The following TTLL11 variants were observed in gnomAD, a reference collection of about 807,000 sequenced individuals.
The protein encoded by TTLL11 is tubulin tyrosine ligase like 11.
Under a neutral mutation model 51.7 loss-of-function variants are expected in TTLL11, and 42 were observed. The ratio of observed to expected loss-of-function variants is 0.81; its 90% CI spans 0.64 to 1.05. The LOEUF (loss-of-function observed/expected upper bound fraction) is 1.05. Ranked by LOEUF, TTLL11 falls within the 50% of genes least tolerant of loss-of-function variation. The pLI is 0.00. For synonymous variants in TTLL11, 381 were observed against 383.5 expected (o/e 0.99, Z 0.08); for missense variants, 799 against 940.4 (o/e 0.85, Z 1.97).
intron 6 of TTLL11, among the ~76,000 whole-genome samples, chr9:121,902,158 C>T (rs985548713): frequency 6.6e-6 from 1 of 152,078 alleles, no homozygotes; most frequent in Non-Finnish European, 1.5e-5. Context: ...AAAACCATTT[C>T]TCATCCTACA....
At chr9:121,823,343 C>T (rs563199686) in intron 8 of TTLL11, among the ~76,000 whole-genome samples, 8 of 152,274 alleles carry the variant, frequency 5.3e-5, no homozygotes, top group East Asian at 1.9e-4. Flanking sequence ...GTCAGTAGTT[C>T]GAGACCAGCC....
intron 8 of TTLL11, among the ~76,000 whole-genome samples, chr9:121,847,419 T>C (rs1340109641): frequency 6.6e-6 from 1 of 152,034 alleles, no homozygotes; most frequent in African/African-American, 2.4e-5. Flanking sequence ...GTTATTAGAT[T>C]ACTAATTAGT....
chr9:121,965,346 A>G (rs945126321), intron 6 of TTLL11, among the ~76,000 whole-genome samples: 1 of 152,224 alleles, frequency 6.6e-6, no homozygotes, highest in Non-Finnish European at 1.5e-5. Context: ...ACTTACAATC[A>G]TGGCGGAAGG....
At chr9:121,838,745 A>T (rs978875355) in intron 8 of TTLL11, among the ~76,000 whole-genome samples, 1 of 149,774 alleles carries the variant, frequency 6.7e-6, no homozygotes, top group Non-Finnish European at 1.5e-5. Context: ...AGAAAGAAAG[A>T]GAGAAAGAAA....
chr9:121,823,865 C>T (rs527297206), intron 8 of TTLL11, among the ~76,000 whole-genome samples: 2 of 152,322 alleles, frequency 1.3e-5, no homozygotes, highest in Admixed American at 6.5e-5. Flanking sequence ...TAAGCGTCTA[C>T]TTATCTTTGG....
chr9:121,964,504 G>C (rs1327808744), intron 6 of TTLL11, among the ~76,000 whole-genome samples: 1 of 152,000 alleles, frequency 6.6e-6, no homozygotes, highest in Admixed American at 6.6e-5. Context: ...TACCAAGTTG[G>C]CCAGGCTGGT....
chr9:122,066,320 T>C (rs1233434357), intron 1 of TTLL11, among the ~76,000 whole-genome samples: 1 of 151,842 alleles, frequency 6.6e-6, no homozygotes, highest in African/African-American at 2.4e-5. Flanking sequence ...TGATTTCCCT[T>C]TACTAAGAGA....
chr9:121,905,242 C>T (rs928379981), intron 6 of TTLL11, among the ~76,000 whole-genome samples: 5 of 152,146 alleles, frequency 3.3e-5, no homozygotes, highest in African/African-American at 1.2e-4. Context: ...CAGAAATTAT[C>T]ACTTTTAGTA....
At chr9:121,997,735 C>T (rs777434165) in intron 3 of TTLL11, among the ~76,000 whole-genome samples, 3 of 152,154 alleles carry the variant, frequency 2.0e-5, no homozygotes, top group Non-Finnish European at 4.4e-5. Context: ...GATCATCCTC[C>T]TAAGTGATCA....
chr9:121,942,564 G>C (rs1340207903), intron 6 of TTLL11, among the ~76,000 whole-genome samples: 3 of 150,962 alleles, frequency 2.0e-5, no homozygotes, highest in Non-Finnish European at 2.9e-5. Flanking sequence ...TGTTTGTAGA[G>C]TGTTGAATGA....
intron 1 of TTLL11, among the ~76,000 whole-genome samples, chr9:122,066,902 T>A (rs1464197342): frequency 6.6e-6 from 1 of 151,976 alleles, no homozygotes; most frequent in African/African-American, 2.4e-5. Flanking sequence ...GAAGGAGAAG[T>A]ACCAAGCAAA....
chr9:121,870,670 G>A lies in TTLL11; in HGVS notation c.1560C>T (p.Asn520=), dbSNP rs1447117579. Residue 520 remains asparagine, a synonymous_variant, in exon 7 of 9, where the codon AAC becomes AAT. Coordinates refer to ENST00000321582, the MANE Select transcript of TTLL11 (RefSeq NM_001139442.2). ...DGELTSAPDC[N]ANPEAHLPSI... is the part of the protein sequence containing the mutation. ...AAGGCAGGTGGGCTTCGGGGTTGGCGTTGCAGTCTGGAGCACTGGTCAGCT... is the reference window on the plus strand; with the variant it reads ...AAGGCAGGTGGGCTTCGGGGTTGGCATTGCAGTCTGGAGCACTGGTCAGCT... The A allele has an allele frequency of 4.5e-6, 7 of 1,551,610 alleles. No homozygotes were observed. Among genetic ancestry groups the A allele is most frequent in the African/African-American group, 2.7e-5 (2 of 73,046 alleles).
At chr9:121,999,892 T>C (rs182340277) in intron 3 of TTLL11, among the ~76,000 whole-genome samples, 34 of 152,316 alleles carry the variant, frequency 2.2e-4, no homozygotes, top group East Asian at 7.7e-4. Flanking sequence ...GATCTGAACA[T>C]GGGTGTGTGT....
intron 8 of TTLL11, among the ~76,000 whole-genome samples, chr9:121,855,543 A>G (rs963608866): frequency 6.6e-6 from 1 of 152,188 alleles, no homozygotes; most frequent in Non-Finnish European, 1.5e-5. Flanking sequence ...TTATAACGGC[A>G]GAAGGAAGGT....
At chr9:122,002,441 C>T (rs1173606787) in intron 3 of TTLL11, among the ~76,000 whole-genome samples, 1 of 152,172 alleles carries the variant, frequency 6.6e-6, no homozygotes, top group Non-Finnish European at 1.5e-5. Flanking sequence ...TTTCCTTAGG[C>T]CCCTGTAGCC....
Position 121,853,427 on chromosome 9 carries a change from TG to T in TTLL11, c.1840+6909del, listed in dbSNP as rs1205974941. Among the ~76,000 whole-genome samples, 3 of 29,890 alleles carry T rather than the reference TG, an allele frequency of 1.0e-4. No individual in the cohort carries two copies. Among genetic ancestry groups the T allele is most frequent in the Non-Finnish European group, 1.9e-4 (3 of 15,574 alleles). The allele number at this position is 29,890 out of a possible 152,430, so 19.6% of individuals were successfully genotyped here. ...GGGAGGCTCTGTGAGGGAGGGGACC[TG>T]GGGGGTGGTGGTGAGCAAGGAGAGG... On this transcript the variant is annotated intron_variant, in intron 8 of 8. Coordinates refer to ENST00000321582, the MANE Select transcript of TTLL11 (RefSeq NM_001139442.2). The surrounding 1 kb of genome is among the most constrained non-coding windows in gnomAD (Gnocchi z 5.6).
intron 1 of TTLL11, among the ~76,000 whole-genome samples, chr9:122,055,243 A>AGATAGAT (rs57031172): frequency 6.9e-6 from 1 of 144,964 alleles, no homozygotes; most frequent in Non-Finnish European, 1.6e-5. Context: ...ATAGATAGAT[A>AGATAGAT]AAGGGGAGTT....
At chr9:121,911,583 A>C (rs1418338581) in intron 6 of TTLL11, among the ~76,000 whole-genome samples, 1 of 152,194 alleles carries the variant, frequency 6.6e-6, no homozygotes, top group Non-Finnish European at 1.5e-5. Flanking sequence ...TGGCACATAT[A>C]TACCATGGAA....
intron 6 of TTLL11, among the ~76,000 whole-genome samples, chr9:121,930,915 A>G (rs1289789002): frequency 2.0e-5 from 3 of 152,204 alleles, no homozygotes; most frequent in Non-Finnish European, 4.4e-5. Context: ...AAGTATCACA[A>G]TTTCACACTG....
Sources: gnomAD v4.1 joint callset for allele counts (sites outside exome capture counted in the v4.1 genomes callset) on GRCh38, gnomAD v4.1.1 for gene constraint, Gnocchi (gnomAD v3.1) non-coding constraint, MANE v1.5 for transcripts, NCBI Gene and HGNC (gene_info 2026-07-23, HGNC 2026-07-21) for gene names.